Variants in POLR2H observed in about 807,000 individuals in gnomAD.
POLR2H encodes the protein DNA-directed RNA polymerases I, II, and III subunit RPABC3.
POLR2H carries 3 observed loss-of-function variants against 18.1 expected under a neutral mutation model. The ratio of observed to expected loss-of-function variants is 0.17; its 90% CI spans 0.08 to 0.43. The LOEUF (loss-of-function observed/expected upper bound fraction) is 0.43, where lower values mean the gene tolerates loss of function less well. POLR2H is among the 20% of genes least tolerant of loss of function. The probability of loss-of-function intolerance (pLI) is 0.99; values close to 1 mark genes in which losing one functional copy is unlikely to be tolerated. For missense variants in POLR2H, 103 were observed against 184.6 expected (o/e 0.56, Z 2.56); for synonymous variants, 76 against 69.0 (o/e 1.10, Z -0.50).
chr3:184,366,560 G>C (rs1444935015), intron 4 of POLR2H, 157 bp from the exon 5 acceptor site: 13 of 499,036 alleles, frequency 2.6e-5, no homozygotes, highest in South Asian at 8.2e-5. Flanking sequence ...GGATGGTCTC[G>C]ATCTCCTGAC....
chr3:184,365,099 A>G (rs761338361), intron 3 of POLR2H, 34 bp from the exon 4 acceptor site: 15 of 1,584,746 alleles, frequency 9.5e-6, no homozygotes, highest in Non-Finnish European at 1.1e-5. Flanking sequence ...TGCTTCTGCT[A>G]TTCTTTACTC....
At chr3:184,367,737 G>A (rs199877666) in intron 5 of POLR2H, among the ~76,000 whole-genome samples, 3 of 152,080 alleles carry the variant, frequency 2.0e-5, no homozygotes, top group Admixed American at 1.3e-4. Flanking sequence ...TGATCCGCCC[G>A]CCTCAGCCTC....
rs1008322565 is a variant in POLR2H at position 184,362,567 on chromosome 3, G to C, written c.-620-306G>C. The C allele has an allele frequency of 2.6e-5, 4 of 153,368 alleles. No homozygotes were observed. Among genetic ancestry groups the C allele is most frequent in the African/African-American group, 9.7e-5 (4 of 41,426 alleles). The allele number at this position is 153,368 out of a possible 1,614,324, so 9.5% of individuals were successfully genotyped here. ...GGCGGGAGCAGTGCCCGGGAAGGGG[G>C]GGCCTTGTGATAGAAGCCAGCACTC... On this transcript the variant is annotated intron_variant, in intron 1 of 5. Transcript: ENST00000456318. The surrounding 1 kb of genome is among the most constrained non-coding windows in gnomAD (Gnocchi z 5.9).
At chr3:184,366,338 ATTT>A (rs567119001) in intron 4 of POLR2H, among the ~76,000 whole-genome samples, 6 of 135,130 alleles carry the variant, frequency 4.4e-5, no homozygotes, top group Non-Finnish European at 4.8e-5. Context: ...ACCAGTAACC[ATTT>A]TTTTTTTTTT....
rs1431505327 is a variant in POLR2H at position 184,368,296 on chromosome 3, C to T, written c.*2C>T. On this transcript the variant is annotated 3_prime_UTR_variant, in exon 6 of 6. Coordinates refer to ENST00000456318, the MANE Select transcript of POLR2H (RefSeq NM_006232.5). Reference sequence around the variant, plus strand: ...CTGATGAAGAAGCTAGCCTTCTGAACCTCGCCTGAAGCCAGCCTCTCTGCC... The same window carrying T: ...CTGATGAAGAAGCTAGCCTTCTGAATCTCGCCTGAAGCCAGCCTCTCTGCC... 1 of 1,581,536 alleles carries T rather than the reference C, an allele frequency of 6.3e-7. No homozygotes were observed. The highest frequency in any genetic ancestry group is 8.6e-7 in the Non-Finnish European group (1 of 1,161,204).
chr3:184,363,877 C>G (rs1712766790), intron 2 of POLR2H, among the ~76,000 whole-genome samples: 1 of 152,134 alleles, frequency 6.6e-6, no homozygotes, highest in Admixed American at 6.5e-5. Flanking sequence ...ATGGTGAAAC[C>G]CCGTCTCTAC....
Position 184,363,246 on chromosome 3 carries a change from C to A in POLR2H, c.-247C>A, listed in dbSNP as rs954480222. 11 of 565,050 alleles carry A rather than the reference C, an allele frequency of 1.9e-5. No homozygotes were observed. In the African/African-American group the frequency reaches 2.1e-4, roughly 11 times the overall value. 35.0% of individuals were successfully genotyped at this position (565,050 alleles called of 1,614,324 possible). On this transcript the variant is annotated 5_prime_UTR_variant, in exon 2 of 6. Transcript: ENST00000456318. ...GGCAGAGCCACCTGGACATGAGACC[C>A]GCCCTCAATGCCGAAGCCTCTCGGA...
In POLR2H at chr3:184,363,601, G is replaced by A. The variant is rs777303043; in HGVS notation, c.73+36G>A. On this transcript the variant is annotated intron_variant, in intron 2 of 5. Coordinates refer to ENST00000456318, the MANE Select transcript of POLR2H (RefSeq NM_006232.5). ...TATGTAGGGGCGGTTTGGAGGAAGA[G>A]GCTAACCTCGCGGACATGCCCCTGG... The A allele has an allele frequency of 9.0e-6, 14 of 1,559,090 alleles. No homozygotes were observed. The Admixed American group carries it at 2.4e-4, about 26-fold the overall frequency.
In POLR2H at chr3:184,362,069, G is replaced by C. The variant is rs1712223769; in HGVS notation, c.-698G>C. ...GGAAGGCCCCTCTGCCCCGTCAGGG[G>C]TGAAAAGCAAAGCTGGAAGGATTCG... On this transcript the variant is annotated 5_prime_UTR_variant, in exon 1 of 6. Coordinates refer to ENST00000456318, the MANE Select transcript of POLR2H (RefSeq NM_006232.5). The surrounding 1 kb of genome is among the most constrained non-coding windows in gnomAD (Gnocchi z 5.9). 6.6e-6 allele frequency: 1 copy of C among 152,300 alleles called. No individual in the cohort carries two copies. The highest frequency in any genetic ancestry group is 2.4e-5 in the African/African-American group (1 of 41,462). 9.4% of individuals were successfully genotyped at this position (152,300 alleles called of 1,614,324 possible).
chr3:184,366,499 G>T (rs977154379), intron 4 of POLR2H: 2 of 345,382 alleles, frequency 5.8e-6, no homozygotes, highest in Middle Eastern at 9.6e-4. Flanking sequence ...TACCACGCCC[G>T]GCTAATTTTT....
rs1472480570 is a variant in POLR2H at position 184,363,240 on chromosome 3, G to A, written c.-253G>A. 1 of 555,926 alleles carries A rather than the reference G, an allele frequency of 1.8e-6. No individual in the cohort carries two copies. The allele number at this position is 555,926 out of a possible 1,614,324, so 34.4% of individuals were successfully genotyped here. On this transcript the variant is annotated 5_prime_UTR_variant, in exon 2 of 6. An upstream start codon of the reference 5' UTR is lost. Coordinates refer to ENST00000456318, the MANE Select transcript of POLR2H (RefSeq NM_006232.5). ...GCCCTGGGCAGAGCCACCTGGACAT[G>A]AGACCCGCCCTCAATGCCGAAGCCT...
At chr3:184,365,544 G>A (rs575791932) in intron 4 of POLR2H, 48 of 331,172 alleles carry the variant, frequency 1.4e-4, no homozygotes, top group African/African-American at 7.5e-4. Context: ...GGTGTCATGT[G>A]CCTGTAGTCC....
chr3:184,365,018 T>C lies in POLR2H; in HGVS notation c.126T>C (p.Asp42=), dbSNP rs1230593777. ...CTTTCAAGATGGATCTAATCTTAGA[T>C]GTAAACATTCAAATTTACCCTGTAG... is the stretch of plus-strand genomic sequence containing the variant. ...SESFKMDLIL[D]VNIQIYPVDL... Residue 42 remains aspartate (D), a synonymous_variant, in exon 3 of 6, where the codon GAT becomes GAC. Transcript: ENST00000456318. 6.2e-7 allele frequency: 1 copy of C among 1,610,934 alleles called. No homozygotes were observed. The highest frequency in any genetic ancestry group is 8.5e-7 in the Non-Finnish European group (1 of 1,177,128).
In POLR2H at chr3:184,365,623, A is replaced by G. The variant is rs186966942; in HGVS notation, c.251+397A>G. On this transcript the variant is annotated intron_variant, in intron 4 of 5. Coordinates refer to ENST00000456318, the MANE Select transcript of POLR2H (RefSeq NM_006232.5). The stretch of plus-strand genomic sequence containing the variant: ...GAGGTTGAGGCTGCAGTGAGCCATG[A>G]TTGCACCACTGCACTCCAGCCTGGG... 93 of 216,920 alleles carry G rather than the reference A, an allele frequency of 4.3e-4. 1 individual carries two copies. Among genetic ancestry groups the G allele is most frequent in the East Asian group, 1.8e-3 (15 of 8,186 alleles). The allele number at this position is 216,920 out of a possible 1,614,324, so 13.4% of individuals were successfully genotyped here. A position where few individuals can be genotyped will look rare whatever the true frequency, so the allele number is the denominator to read the frequency against.
At position 184,363,674 on chromosome 3, in the gene POLR2H, T is replaced by C. The variant is rs927460018; in HGVS notation, c.73+109T>C. On this transcript the variant is annotated intron_variant, in intron 2 of 5. Coordinates refer to ENST00000456318, the MANE Select transcript of POLR2H (RefSeq NM_006232.5). ...GTGGCCTGCCCCTACCAGCAGGTCC[T>C]GGTGTAGGGACCTCCCTCAGTAAAC... 13 of 757,642 alleles carry C rather than the reference T, an allele frequency of 1.7e-5. No individual in the cohort carries two copies. The African/African-American group carries it at 2.0e-4, about 12-fold the overall frequency. 46.9% of individuals were successfully genotyped at this position (757,642 alleles called of 1,614,324 possible). A position where few individuals can be genotyped will look rare whatever the true frequency, so the allele number is the denominator to read the frequency against.
intron 4 of POLR2H, among the ~76,000 whole-genome samples, chr3:184,365,975 C>CAA (rs563119852): frequency 1.9e-4 from 12 of 61,934 alleles, no homozygotes; most frequent in African/African-American, 3.9e-4. Flanking sequence ...GACTCCGTCT[C>CAA]AAAAAAAAAA....
chr3:184,365,423 G>T, intron 4 of POLR2H, 197 bp downstream of exon 4: 1 of 595,704 alleles, frequency 1.7e-6, no homozygotes, highest in Non-Finnish European at 3.0e-6. Flanking sequence ...CACTTTGGGA[G>T]GCCGAGGCAG....
chr3:184,363,631 C>T, intron 2 of POLR2H, 66 bp downstream of exon 2: 1 of 1,282,562 alleles, frequency 7.8e-7, no homozygotes. Flanking sequence ...CCCTGGGCCC[C>T]GTGTCCACCC....
Position 184,363,567 on chromosome 3 carries a change from T to G in POLR2H, c.73+2T>G, listed in dbSNP as rs1261839747. On this transcript the variant is annotated splice_donor_variant, in intron 2 of 5. Transcript: ENST00000456318. LOFTEE classifies it high-confidence loss of function. ...CGGAGGGCAAGAAGTTTGACCGAGG[T>G]AAGTAAGGTATGTAGGGGCGGTTTG... 1 of 1,612,702 alleles carries G rather than the reference T, an allele frequency of 6.2e-7. No individual in the cohort carries two copies. Among genetic ancestry groups the G allele is most frequent in the Non-Finnish European group, 8.5e-7 (1 of 1,178,976 alleles).
Sources: allele counts gnomAD v4.1 joint callset (sites outside exome capture counted in the v4.1 genomes callset), GRCh38; gene constraint gnomAD v4.1.1; non-coding constraint Gnocchi (gnomAD v3.1); transcripts MANE v1.5; gene names NCBI Gene and HGNC (gene_info 2026-07-23, HGNC 2026-07-21).